DIAPH3: variants seen among roughly 807,000 people sequenced by gnomAD.
DIAPH3 encodes the protein protein diaphanous homolog 3.
In DIAPH3, 117 loss-of-function variants were observed where a neutral mutation model predicts 144.3. The observed-to-expected ratio is 0.81, with a 90% CI of 0.70 to 0.95. DIAPH3 has a LOEUF of 0.95. DIAPH3 is among the 40% of genes least tolerant of loss of function. DIAPH3 has a pLI of 0.00. For synonymous variants in DIAPH3, 519 were observed against 488.9 expected (o/e 1.06, Z -0.81); for missense variants, 1,421 against 1,412.7 (o/e 1.01, Z -0.09).
At chr13:60,009,771 C>T (rs1268013856) in intron 8 of DIAPH3, among the ~76,000 whole-genome samples, 3 of 152,166 alleles carry the variant, frequency 2.0e-5, no homozygotes, top group Admixed American at 1.3e-4. Context: ...CTCCACAAGG[C>T]TGATTTTCAA....
At chr13:59,821,147 T>A (rs1365647603) in intron 24 of DIAPH3, among the ~76,000 whole-genome samples, 1 of 152,064 alleles carries the variant, frequency 6.6e-6, no homozygotes, top group Non-Finnish European at 1.5e-5. Context: ...TTTTCCTAAG[T>A]ATTCAACTTT....
At chr13:59,724,633 TCC>T (rs2035518655) in intron 27 of DIAPH3, among the ~76,000 whole-genome samples, 1 of 152,188 alleles carries the variant, frequency 6.6e-6, no homozygotes, top group South Asian at 2.1e-4. Context: ...CACTTCTTCA[TCC>T]TTAAAAAGAT....
chr13:59,914,270 T>C (rs117945312), intron 19 of DIAPH3, among the ~76,000 whole-genome samples: 2,120 of 152,258 alleles, frequency 0.014, 36 homozygotes, highest in Non-Finnish European at 0.017. Flanking sequence ...AAAATAGGAA[T>C]TCTTCGCATT....
chr13:59,942,439 T>C (rs1032030742), intron 17 of DIAPH3, among the ~76,000 whole-genome samples: 3 of 152,152 alleles, frequency 2.0e-5, no homozygotes, highest in Non-Finnish European at 4.4e-5. Context: ...TCAAAATATA[T>C]AAGGATTTCA....
intron 27 of DIAPH3, among the ~76,000 whole-genome samples, chr13:59,712,095 A>G (rs1365254580): frequency 6.6e-6 from 1 of 152,244 alleles, no homozygotes; most frequent in Admixed American, 6.5e-5. Context: ...TGTTAGAACA[A>G]CAAAGTCAAG....
At chr13:59,820,470 A>G (rs567870580) in intron 24 of DIAPH3, among the ~76,000 whole-genome samples, 2 of 152,090 alleles carry the variant, frequency 1.3e-5, no homozygotes, top group South Asian at 4.1e-4. Flanking sequence ...CTGGAAAAAA[A>G]GAGTTAGCTT....
intron 2 of DIAPH3, among the ~76,000 whole-genome samples, chr13:60,114,186 G>A (rs2058642092): frequency 7.9e-6 from 1 of 126,748 alleles, no homozygotes; most frequent in Non-Finnish European, 1.7e-5. Flanking sequence ...CCCTAAAATG[G>A]GCATTTTTTT....
intron 4 of DIAPH3, among the ~76,000 whole-genome samples, chr13:60,061,860 CG>C (rs936766612): frequency 7.2e-5 from 11 of 152,086 alleles, no homozygotes; most frequent in African/African-American, 2.4e-4. Context: ...GCCTTAACTC[CG>C]GGGGGTGAGG....
intron 3 of DIAPH3, among the ~76,000 whole-genome samples, chr13:60,098,954 T>G (rs1234859012): frequency 1.3e-5 from 2 of 152,166 alleles, no homozygotes; most frequent in Non-Finnish European, 2.9e-5. Context: ...ATATATGAAA[T>G]AAATCTCTAC....
chr13:59,709,453 T>G (rs2034608861), intron 27 of DIAPH3, among the ~76,000 whole-genome samples: 1 of 152,136 alleles, frequency 6.6e-6, no homozygotes, highest in Non-Finnish European at 1.5e-5. Context: ...CAGACACTTC[T>G]CAAAAGAAGA....
At chr13:59,747,668 C>A (rs1269965165) in intron 27 of DIAPH3, among the ~76,000 whole-genome samples, 1 of 152,154 alleles carries the variant, frequency 6.6e-6, no homozygotes, top group Non-Finnish European at 1.5e-5. Context: ...GACAAGATTT[C>A]CTCTTGGGCT....
intron 25 of DIAPH3, among the ~76,000 whole-genome samples, chr13:59,808,828 G>A (rs892052151): frequency 2.6e-5 from 4 of 152,062 alleles, no homozygotes; most frequent in Admixed American, 2.6e-4. Context: ...ACTATTAGAA[G>A]GCAGAAAAAT....
intron 5 of DIAPH3, among the ~76,000 whole-genome samples, chr13:60,032,221 C>T (rs891407211): frequency 6.6e-6 from 1 of 152,114 alleles, no homozygotes; most frequent in Non-Finnish European, 1.5e-5. Flanking sequence ...AGGGTGCAAG[C>T]TGCTGGTCAA....
intron 27 of DIAPH3, among the ~76,000 whole-genome samples, chr13:59,673,343 G>A (rs906242266): frequency 6.6e-6 from 1 of 151,912 alleles, no homozygotes; most frequent in African/African-American, 2.4e-5. Flanking sequence ...CCAAAGCATC[G>A]AAATTCCTAA....
At chr13:59,869,238 A>G (rs144992786) in intron 21 of DIAPH3, among the ~76,000 whole-genome samples, 321 of 152,322 alleles carry the variant, frequency 2.1e-3, no homozygotes, top group Non-Finnish European at 3.3e-3. Flanking sequence ...GTATTTTAGC[A>G]ATGCCAGTAC....
At chr13:59,814,397 A>G (rs1386002205) in intron 24 of DIAPH3, among the ~76,000 whole-genome samples, 1 of 152,204 alleles carries the variant, frequency 6.6e-6, no homozygotes, top group Non-Finnish European at 1.5e-5. Context: ...AAAACATACC[A>G]TATTCTCATA....
At chr13:59,987,792 A>T (rs1317084508) in intron 12 of DIAPH3, among the ~76,000 whole-genome samples, 1 of 149,612 alleles carries the variant, frequency 6.7e-6, no homozygotes, top group African/African-American at 2.5e-5. Context: ...GAAAACTGGA[A>T]CAAGAAAGAT....
chr13:59,825,221 T>A (rs879690731), intron 24 of DIAPH3, among the ~76,000 whole-genome samples: 3 of 152,044 alleles, frequency 2.0e-5, no homozygotes, highest in Non-Finnish European at 2.9e-5. Context: ...CAGAGTGTGA[T>A]GCTCCCCTTC....
intron 17 of DIAPH3, among the ~76,000 whole-genome samples, chr13:59,946,530 C>T (rs936940080): frequency 1.3e-5 from 2 of 151,950 alleles, no homozygotes; most frequent in African/African-American, 2.4e-5. Context: ...TTTAAAAGTT[C>T]CTAAAGAGTA....
Sources: gnomAD v4.1 joint callset for allele counts (sites outside exome capture counted in the v4.1 genomes callset) on GRCh38, gnomAD v4.1.1 for gene constraint, MANE v1.5 for transcripts, NCBI Gene and HGNC (gene_info 2026-07-23, HGNC 2026-07-21) for gene names.